LPP: variants seen among roughly 807,000 people sequenced by gnomAD.
LPP encodes the protein LIM domain containing preferred translocation partner in lipoma.
A neutral mutation model predicts 60.4 loss-of-function variants in LPP; 38 were observed. The observed-to-expected ratio is 0.63, with a 90% CI of 0.49 to 0.83. The LOEUF (loss-of-function observed/expected upper bound fraction) is 0.83. Among genes scored for constraint, LPP ranks in the 40% least tolerant of loss-of-function variants. LPP has a pLI of 0.00. For synonymous variants in LPP, 328 were observed against 290.8 expected (o/e 1.13, Z -1.30); for missense variants, 902 against 783.6 (o/e 1.15, Z -1.80).
At chr3:188,525,346 C>T (rs1820308116) in intron 6 of LPP, among the ~76,000 whole-genome samples, 1 of 152,176 alleles carries the variant, frequency 6.6e-6, no homozygotes, top group Non-Finnish European at 1.5e-5. Context: ...AGTCAACTGG[C>T]AGAAATTTCT....
In LPP at chr3:188,484,673, C is replaced by T. The variant is rs753567229; in HGVS notation, c.275C>T (p.Pro92Leu). 7.4e-6 allele frequency: 12 copies of T among 1,613,288 alleles called. No homozygotes were observed. The East Asian group carries it at 2.7e-4, about 36-fold the overall frequency. Residue 92 changes from proline to leucine, a missense_variant, in exon 5 of 12, where the codon CCA (proline) becomes CTA (leucine). Physicochemically the swap from Pro to Leu is moderately conservative, Grantham distance 98. Coordinates refer to ENST00000617246, the MANE Select transcript of LPP (RefSeq NM_001375462.1). ...ATCTCTGGAAACTTTCCTCCTCCAC[C>T]ACCTCTTGATGAAGAGGCTTTCAAA... ...PSISGNFPPPPPLDEEAFKVQ... is the reference protein window; with the variant it reads ...PSISGNFPPPLPLDEEAFKVQ...
chr3:188,563,759 A>G (rs1256977985), intron 6 of LPP, among the ~76,000 whole-genome samples: 1 of 150,788 alleles, frequency 6.6e-6, no homozygotes, highest in Non-Finnish European at 1.5e-5. Flanking sequence ...GATTATCAAA[A>G]TTCAGTGTGG....
intron 3 of LPP, among the ~76,000 whole-genome samples, chr3:188,360,842 A>G (rs915257299): frequency 6.6e-6 from 1 of 152,228 alleles, no homozygotes; most frequent in African/African-American, 2.4e-5. Flanking sequence ...GTTCTTGGAC[A>G]TCTTATGGAC....
chr3:188,665,341 G>A (rs1466215758), intron 7 of LPP, among the ~76,000 whole-genome samples: 1 of 151,854 alleles, frequency 6.6e-6, no homozygotes, highest in East Asian at 1.9e-4. Flanking sequence ...AGGAAAGAAT[G>A]GTTTCCATAA....
At chr3:188,265,872 T>G (rs973711116) in intron 2 of LPP, among the ~76,000 whole-genome samples, 1 of 126,758 alleles carries the variant, frequency 7.9e-6, no homozygotes, top group Admixed American at 7.5e-5. Context: ...ATTACTCTGG[T>G]GTGTGTGTGT....
chr3:188,441,599 C>CTTTTCTTTTCTT (rs1793870601), intron 4 of LPP, among the ~76,000 whole-genome samples: 1 of 75,056 alleles, frequency 1.3e-5, no homozygotes, highest in Admixed American at 1.3e-4. Context: ...TTCTTTTTTT[C>CTTTTCTTTTCTT]TTTTCTTTTC....
At position 188,373,963 on chromosome 3, in the gene LPP, G is replaced by T. The variant is rs183241933; in HGVS notation, c.-9-32149G>T. ...TCCCCAGCACCATTTATTAAATAGG[G>T]AATCCTTTCCCCATTATTTGTTTTT... On this transcript the variant is annotated intron_variant, in intron 3 of 11. Coordinates refer to ENST00000617246, the MANE Select transcript of LPP (RefSeq NM_001375462.1). Among the ~76,000 whole-genome samples the T allele has an allele frequency of 5.3e-3, 809 of 152,246 alleles. 10 individuals are homozygous for T. Among genetic ancestry groups the T allele is most frequent in the African/African-American group, 0.019 (769 of 41,522 alleles).
chr3:188,752,068 A>G (rs1728256457), intron 8 of LPP, among the ~76,000 whole-genome samples: 1 of 152,312 alleles, frequency 6.6e-6, no homozygotes, highest in East Asian at 1.9e-4. Flanking sequence ...TTTATTTTGA[A>G]GTTGAACTAT....
At chr3:188,842,447 G>A (rs947292143) in intron 9 of LPP, among the ~76,000 whole-genome samples, 21 of 152,106 alleles carry the variant, frequency 1.4e-4, no homozygotes, top group African/African-American at 3.6e-4. Context: ...TGGATAGTTT[G>A]TAAATATGTT....
At chr3:188,393,728 G>A (rs958625674) in intron 3 of LPP, among the ~76,000 whole-genome samples, 2 of 152,152 alleles carry the variant, frequency 1.3e-5, no homozygotes, top group Admixed American at 6.5e-5. Flanking sequence ...ATGGGTTTAA[G>A]TTTACCTTCT....
intron 6 of LPP, among the ~76,000 whole-genome samples, chr3:188,542,193 T>C (rs1302995550): frequency 6.6e-6 from 1 of 152,212 alleles, no homozygotes; most frequent in Non-Finnish European, 1.5e-5. Flanking sequence ...CTGAACCTCA[T>C]TTTCTTTGTC....
chr3:188,357,882 T>A (rs896010241), intron 3 of LPP, among the ~76,000 whole-genome samples: 1 of 152,148 alleles, frequency 6.6e-6, no homozygotes, highest in African/African-American at 2.4e-5. Context: ...CTTGCTAGAG[T>A]GTGGAAGGAT....
At chr3:188,458,351 A>G (rs767045417) in intron 4 of LPP, among the ~76,000 whole-genome samples, 8 of 152,254 alleles carry the variant, frequency 5.3e-5, no homozygotes, top group Non-Finnish European at 1.0e-4. Context: ...CTGCATTTTT[A>G]TAAAACTACA....
intron 5 of LPP, among the ~76,000 whole-genome samples, chr3:188,524,301 G>T (rs1819847345): frequency 6.6e-6 from 1 of 152,128 alleles, no homozygotes; most frequent in Non-Finnish European, 1.5e-5. Flanking sequence ...TATTATTCTA[G>T]GCAGTGGTGT....
At chr3:188,639,352 T>C (rs1183234633) in intron 7 of LPP, among the ~76,000 whole-genome samples, 1 of 149,822 alleles carries the variant, frequency 6.7e-6, no homozygotes, top group Non-Finnish European at 1.5e-5. Context: ...TTACACCTTA[T>C]ACAAAAATCA....
intron 2 of LPP, among the ~76,000 whole-genome samples, chr3:188,316,233 G>A (rs1030785915): frequency 5.3e-5 from 8 of 152,152 alleles, no homozygotes; most frequent in African/African-American, 9.7e-5. Context: ...AGCCAGGATC[G>A]TGCCATTGCA....
At chr3:188,452,547 G>A (rs1025065474) in intron 4 of LPP, among the ~76,000 whole-genome samples, 7 of 152,116 alleles carry the variant, frequency 4.6e-5, no homozygotes, top group African/African-American at 1.7e-4. Flanking sequence ...GACGTGTATC[G>A]AAAAGGAAAA....
chr3:188,784,047 T>C (rs896495771), intron 9 of LPP, among the ~76,000 whole-genome samples: 10 of 152,076 alleles, frequency 6.6e-5, no homozygotes, highest in Non-Finnish European at 1.5e-4. Context: ...TACTGCACCA[T>C]ATTTGTAATC....
chr3:188,342,919 C>CA (rs1431960289), intron 3 of LPP, among the ~76,000 whole-genome samples: 2 of 151,852 alleles, frequency 1.3e-5, no homozygotes, highest in African/African-American at 4.8e-5. Context: ...CTCATTCCTA[C>CA]AAAAAAAGAA....
Sources: allele counts gnomAD v4.1 joint callset (sites outside exome capture counted in the v4.1 genomes callset), GRCh38; gene constraint gnomAD v4.1.1; transcripts MANE v1.5; gene names NCBI Gene and HGNC (gene_info 2026-07-23, HGNC 2026-07-21).